The following CREB5 variants were observed in gnomAD, a reference collection of about 807,000 sequenced individuals.
CREB5 encodes the protein cyclic AMP-responsive element-binding protein 5.
Under a neutral mutation model 57.1 loss-of-function variants are expected in CREB5, and 19 were observed. That is an observed-to-expected ratio of 0.33 (90% confidence interval 0.23 to 0.49). The LOEUF (loss-of-function observed/expected upper bound fraction) is 0.49. Among genes scored for constraint, CREB5 ranks in the 20% least tolerant of loss-of-function variants. The pLI is 0.99. For synonymous variants in CREB5, 238 were observed against 238.3 expected (o/e 1.00, Z 0.01); for missense variants, 579 against 671.6 (o/e 0.86, Z 1.52).
At chr7:28,627,637 G>T (rs1016472518) in intron 5 of CREB5, among the ~76,000 whole-genome samples, 1 of 152,122 alleles carries the variant, frequency 6.6e-6, no homozygotes, top group African/African-American at 2.4e-5. Flanking sequence ...GCAAAAAAGG[G>T]TTTTCGCCAT....
chr7:28,480,553 A>G (rs1406292869), intron 1 of CREB5, among the ~76,000 whole-genome samples: 3 of 144,990 alleles, frequency 2.1e-5, no homozygotes, highest in Non-Finnish European at 4.6e-5. Context: ...AAAGGAAGAG[A>G]GTTTGCCACC....
chr7:28,363,737 G>A (rs768888974), intron 1 of CREB5, among the ~76,000 whole-genome samples: 1 of 152,182 alleles, frequency 6.6e-6, no homozygotes, highest in South Asian at 2.1e-4. Flanking sequence ...GGGCAGCAGA[G>A]CTGAGCTCGA....
At chr7:28,439,524 C>T (rs1226958326) in intron 1 of CREB5, among the ~76,000 whole-genome samples, 1 of 152,172 alleles carries the variant, frequency 6.6e-6, no homozygotes, top group Non-Finnish European at 1.5e-5. Context: ...TTAATCCTTA[C>T]AATGAGGTGG....
chr7:28,355,388 G>A (rs75867211), intron 1 of CREB5, among the ~76,000 whole-genome samples: 10 of 152,154 alleles, frequency 6.6e-5, no homozygotes, highest in East Asian at 1.9e-4. Flanking sequence ...TGAGACACCC[G>A]CAGTCATAGT....
intron 7 of CREB5, among the ~76,000 whole-genome samples, chr7:28,748,573 C>T (rs1322043529): frequency 6.6e-6 from 1 of 152,148 alleles, no homozygotes; most frequent in Non-Finnish European, 1.5e-5. Flanking sequence ...TCTTTAAATA[C>T]CCAGGGCAGG....
intron 5 of CREB5, among the ~76,000 whole-genome samples, chr7:28,682,086 T>A (rs1800624202): frequency 6.6e-6 from 1 of 152,198 alleles, no homozygotes; most frequent in Non-Finnish European, 1.5e-5. Flanking sequence ...CAAATAGGTT[T>A]TGACACAGGA....
intron 1 of CREB5, among the ~76,000 whole-genome samples, chr7:28,388,709 T>C (rs1434162386): frequency 6.6e-6 from 1 of 152,204 alleles, no homozygotes; most frequent in East Asian, 1.9e-4. Context: ...AAACCAAAAC[T>C]GAGCCTCTGA....
chr7:28,374,300 G>T (rs1030249453), intron 1 of CREB5, among the ~76,000 whole-genome samples: 9 of 152,096 alleles, frequency 5.9e-5, no homozygotes, highest in African/African-American at 1.7e-4. Context: ...GGAGAAGTTT[G>T]GCTGTTTCTC....
intron 1 of CREB5, among the ~76,000 whole-genome samples, chr7:28,441,342 C>T (rs1353755923): frequency 2.0e-5 from 3 of 152,178 alleles, no homozygotes; most frequent in Non-Finnish European, 2.9e-5. Flanking sequence ...ATCTTTACCA[C>T]TTGATAATCT....
At chr7:28,542,622 G>T (rs1794252753) in intron 4 of CREB5, among the ~76,000 whole-genome samples, 4 of 152,118 alleles carry the variant, frequency 2.6e-5, no homozygotes, top group Admixed American at 2.6e-4. Context: ...TGCTCACCAA[G>T]AAGAAACTGG....
intron 1 of CREB5, among the ~76,000 whole-genome samples, chr7:28,376,312 C>A (rs1265355926): frequency 6.1e-5 from 9 of 146,512 alleles, no homozygotes; most frequent in Non-Finnish European, 1.2e-4. Context: ...TGCTCTGTCA[C>A]CCAGGCAGTG....
rs1786481478 is a variant in CREB5 at position 28,361,472 on chromosome 7, C to T, written c.-25+62031C>T. On this transcript the variant is annotated intron_variant, in intron 1 of 9. Coordinates refer to the CREB5 transcript ENST00000396299. Reference sequence around the variant, plus strand: ...GAAGCAAAAGAGGCCACATCCTTTTCCCTGCCCCAGCCCAGCTAGGTGGTG... The same window carrying T: ...GAAGCAAAAGAGGCCACATCCTTTTTCCTGCCCCAGCCCAGCTAGGTGGTG... 3.3e-5 allele frequency among the ~76,000 whole-genome samples: 5 copies of T among 152,338 alleles called. No individual in the cohort carries two copies. The South Asian group carries it at 1.0e-3, about 32-fold the overall frequency.
intron 5 of CREB5, among the ~76,000 whole-genome samples, chr7:28,698,687 T>G (rs1281742933): frequency 6.6e-6 from 1 of 152,130 alleles, no homozygotes; most frequent in African/African-American, 2.4e-5. Flanking sequence ...ACAGCCACAT[T>G]GTGGAAATGC....
intron 1 of CREB5, among the ~76,000 whole-genome samples, chr7:28,482,092 A>G (rs1161098789): frequency 1.3e-5 from 2 of 152,204 alleles, no homozygotes; most frequent in African/African-American, 4.8e-5. Flanking sequence ...ACCTCTTTGA[A>G]TGGTCCTGTT....
rs1043713840 is a variant in CREB5 at position 28,583,781 on chromosome 7, C to T, written c.464+13244C>T. Among the ~76,000 whole-genome samples, 7 of 152,232 alleles carry T rather than the reference C, an allele frequency of 4.6e-5. No homozygotes were observed. In the East Asian group the frequency reaches 7.7e-4, roughly 17 times the overall value. ...GCAACCTCCACCTCCTAGGTTCAAGCGATTCTCCTGCCTCAGCCTCCAGAG... is the reference window on the plus strand; with the variant it reads ...GCAACCTCCACCTCCTAGGTTCAAGTGATTCTCCTGCCTCAGCCTCCAGAG... On this transcript the variant is annotated intron_variant, in intron 5 of 10. Transcript: ENST00000357727.
At chr7:28,728,651 C>G (rs114895694) in intron 7 of CREB5, among the ~76,000 whole-genome samples, 1 of 152,142 alleles carries the variant, frequency 6.6e-6, no homozygotes, top group African/African-American at 2.4e-5. Flanking sequence ...GTGTCTCTCT[C>G]GATTGATTGA....
At chr7:28,677,110 G>T (rs1054159382) in intron 5 of CREB5, among the ~76,000 whole-genome samples, 3 of 152,318 alleles carry the variant, frequency 2.0e-5, no homozygotes, top group East Asian at 3.9e-4. Flanking sequence ...TAAAATAGAA[G>T]AGGGGAAAGG....
intron 5 of CREB5, among the ~76,000 whole-genome samples, chr7:28,669,072 C>G (rs996904955): frequency 1.3e-5 from 2 of 152,210 alleles, no homozygotes; most frequent in Non-Finnish European, 2.9e-5. Context: ...GGAACCCTTT[C>G]TTGCAATGAA....
intron 4 of CREB5, among the ~76,000 whole-genome samples, chr7:28,530,893 G>T (rs1793699388): frequency 6.6e-6 from 1 of 152,204 alleles, no homozygotes; most frequent in African/African-American, 2.4e-5. Context: ...ATCTTCTGCG[G>T]GAAAAATATG....
Sources: allele counts gnomAD v4.1 joint callset (sites outside exome capture counted in the v4.1 genomes callset), GRCh38; gene constraint gnomAD v4.1.1; transcripts MANE v1.5; gene names NCBI Gene and HGNC (gene_info 2026-07-23, HGNC 2026-07-21).